CCDC201: variants seen among roughly 807,000 people sequenced by gnomAD.
CCDC201 encodes coiled-coil domain containing 201, also known as coiled-coil domain-containing protein 201.
chr7:45,876,573 G>A (rs143951412), upstream of CCDC201, among the ~76,000 whole-genome samples: 1,372 of 152,314 alleles, frequency 9.0e-3, 10 homozygotes, highest in Middle Eastern at 0.02. Context: ...TTGACTTAAG[G>A]GTTGCCCCAA....
At chr7:45,877,838 C>T (rs547173389), upstream of CCDC201, among the ~76,000 whole-genome samples, 13 of 152,280 alleles carry the variant, frequency 8.5e-5, no homozygotes, top group Admixed American at 6.5e-4. Context: ...CATTTCTTCT[C>T]AATAGTCCCC....
upstream of CCDC201, among the ~76,000 whole-genome samples, chr7:45,875,435 C>A (rs1189498318): frequency 1.2e-3 from 107 of 92,828 alleles, 1 homozygote; most frequent in African/African-American, 4.5e-3. Context: ...GAGGAGGCTT[C>A]AGTCAAAAAA....
the CCDC201 span, among the ~76,000 whole-genome samples, chr7:45,882,900 A>T: frequency 4.6e-5 from 7 of 152,126 alleles, no homozygotes; most frequent in African/African-American, 1.7e-4. Flanking sequence ...CTCCCAAAAT[A>T]TGCTCCCAGT....
At position 45,868,182 on chromosome 7, in the gene CCDC201, A is replaced by G. The variant is rs114798997; in HGVS notation, c.19-1688T>C. On this transcript the variant is annotated intron_variant, in intron 1 of 2. Coordinates refer to ENST00000636578, the Ensembl canonical transcript of CCDC201. The stretch of plus-strand genomic sequence containing the variant: ...GACTGGGGATGGAGGTTCTATGCCA[A>G]GGTTGCTCACTACCCACATGCCCTG... Among the ~76,000 whole-genome samples the G allele has an allele frequency of 4.0e-3, 616 of 152,256 alleles. 5 individuals carry two copies. The highest frequency in any genetic ancestry group is 0.014 in the African/African-American group (594 of 41,548).
upstream of CCDC201, among the ~76,000 whole-genome samples, chr7:45,874,178 C>G (rs1032595469): frequency 1.3e-5 from 2 of 152,062 alleles, no homozygotes; most frequent in South Asian, 2.1e-4. Context: ...TCCCAAAGTG[C>G]CAGGATTACA....
chr7:45,862,940 A>T (rs1786620978), exon 3 of CCDC201: 1 of 152,280 alleles, frequency 6.6e-6, no homozygotes, highest in South Asian at 2.1e-4. Flanking sequence ...AAGCAACAGG[A>T]TCTTCTCAAA....
intron 1 of CCDC201, among the ~76,000 whole-genome samples, chr7:45,868,237 C>G (rs1023885179): frequency 2.0e-5 from 3 of 152,092 alleles, no homozygotes; most frequent in Admixed American, 1.3e-4. Flanking sequence ...GGTGGGAGGC[C>G]TCAGTTTATT....
upstream of CCDC201, among the ~76,000 whole-genome samples, chr7:45,876,751 T>C (rs905608212): frequency 6.6e-6 from 1 of 152,232 alleles, no homozygotes; most frequent in African/African-American, 2.4e-5. Flanking sequence ...GGTGCTGTCA[T>C]GGCCATCACT....
chr7:45,876,656 G>C (rs1368950686), upstream of CCDC201, among the ~76,000 whole-genome samples: 1 of 152,184 alleles, frequency 6.6e-6, no homozygotes, highest in African/African-American at 2.4e-5. Flanking sequence ...AGGATATTTT[G>C]TTTGTGTCTG....
chr7:45,876,054 C>T (rs1414805316), upstream of CCDC201, among the ~76,000 whole-genome samples: 1 of 152,086 alleles, frequency 6.6e-6, no homozygotes, highest in Non-Finnish European at 1.5e-5. Flanking sequence ...AAGGGTCAGA[C>T]CTTAAAACTG....
chr7:45,876,195 G>A (rs920898057), upstream of CCDC201, among the ~76,000 whole-genome samples: 4 of 152,104 alleles, frequency 2.6e-5, no homozygotes, highest in African/African-American at 4.8e-5. Flanking sequence ...TGTAGAGGAC[G>A]AAGAAACCAC....
chr7:45,862,739 T>C (rs1382117204), exon 3 of CCDC201: 1 of 152,256 alleles, frequency 6.6e-6, no homozygotes, highest in Non-Finnish European at 1.5e-5. Context: ...CAGTCTGGGA[T>C]GGGGTTTCCT....
chr7:45,874,466 C>T (rs1358437086), upstream of CCDC201, among the ~76,000 whole-genome samples: 1 of 152,160 alleles, frequency 6.6e-6, no homozygotes, highest in Non-Finnish European at 1.5e-5. Context: ...GAGGGCTTTC[C>T]CAGCTCTGAA....
At chr7:45,873,973 A>G (rs1786771889), upstream of CCDC201, among the ~76,000 whole-genome samples, 1 of 142,284 alleles carries the variant, frequency 7.0e-6, no homozygotes, top group Non-Finnish European at 1.5e-5. Flanking sequence ...CCCAGGCTAG[A>G]GTGCAATGTG....
intron 2 of CCDC201, 77 bp from the exon 3 acceptor site, chr7:45,863,248 T>G (rs1786624956): frequency 6.6e-6 from 1 of 152,284 alleles, no homozygotes; most frequent in Admixed American, 6.5e-5. Context: ...CAAAATGTGC[T>G]TTAGAAAATA....
chr7:45,877,444 C>A (rs1786825420), upstream of CCDC201, among the ~76,000 whole-genome samples: 1 of 152,172 alleles, frequency 6.6e-6, no homozygotes, highest in Non-Finnish European at 1.5e-5. Context: ...AAAGAAATAC[C>A]TGAAACTGGG....
At chr7:45,879,766 A>C in the CCDC201 span, among the ~76,000 whole-genome samples, 103 of 152,238 alleles carry the variant, frequency 6.8e-4, no homozygotes, top group African/African-American at 2.3e-3. Flanking sequence ...TAAGTGCAAA[A>C]TAACCTAACA....
chr7:45,877,666 G>A (rs1308635071), upstream of CCDC201, among the ~76,000 whole-genome samples: 1 of 152,128 alleles, frequency 6.6e-6, no homozygotes, highest in Non-Finnish European at 1.5e-5. Context: ...TAAACCATTA[G>A]AAACCACTCC....
exon 3 of CCDC201, chr7:45,861,346 A>T (rs1033798798): frequency 6.6e-6 from 1 of 150,802 alleles, no homozygotes; most frequent in East Asian, 2.0e-4. Context: ...CCAATAATAT[A>T]TAAGTTATAA....
Sources: allele counts gnomAD v4.1 joint callset (sites outside exome capture counted in the v4.1 genomes callset), GRCh38; gene constraint gnomAD v4.1.1; transcripts MANE v1.5; gene names NCBI Gene and HGNC (gene_info 2026-07-23, HGNC 2026-07-21).